The following ENKD1 variants were observed in gnomAD, a reference collection of about 807,000 sequenced individuals.
The protein encoded by ENKD1 is enkurin domain-containing protein 1.
In ENKD1, 39 loss-of-function variants were observed where a neutral mutation model predicts 35.8. The ratio of observed to expected loss-of-function variants is 1.09; its 90% CI spans 0.84 to 1.42. ENKD1 has a LOEUF of 1.42. Among genes scored for constraint, ENKD1 ranks in the 40% most tolerant of loss-of-function variants. The probability of loss-of-function intolerance (pLI) is 0.00; values close to 1 mark genes in which losing one functional copy is unlikely to be tolerated. For missense variants in ENKD1, 474 were observed against 471.3 expected (o/e 1.01, Z -0.05); for synonymous variants, 205 against 198.6 (o/e 1.03, Z -0.27).
At position 67,663,742 on chromosome 16, in the gene ENKD1, G is replaced by T. The variant is rs115455791; in HGVS notation, c.658C>A (p.Leu220Met). ...TCTAGCACTTGTGCCAGGACCTGCA[G>T]TGAGCAGGAATGCCTCCGGGGGGCT... ...KRAPRRHSCSLQVLAQVLEQQ... is the reference protein window; with the variant it reads ...KRAPRRHSCSMQVLAQVLEQQ... Residue 220 changes from leucine to methionine, a missense_variant, in exon 5 of 7, where the codon CTG becomes ATG. Transcript: ENST00000243878. 1.9e-6 allele frequency: 3 copies of T among 1,612,596 alleles called. No homozygotes were observed. Among genetic ancestry groups the T allele is most frequent in the Non-Finnish European group, 2.5e-6 (3 of 1,179,366 alleles).
rs200753836 is a variant in ENKD1 at position 67,663,304 on chromosome 16, G to A, written c.898C>T (p.Arg300Cys). 6.2e-4 allele frequency: 1,004 copies of A among 1,613,584 alleles called. 2 individuals carry two copies. Among genetic ancestry groups the A allele is most frequent in the Non-Finnish European group, 3.2e-4 (373 of 1,180,024 alleles). The change falls in exon 7 of 7, where the codon CGT (arginine) becomes TGT (cysteine). Residue 300 changes from arginine to cysteine, a missense_variant. Arg to Cys is a radical substitution (Grantham distance 180). Transcript: ENST00000243878. ...CCAGCAGGCAGCAGTACCAGCTCAC[G>A]CAGCAGCTGGCTCTGGCCTACAGGG... ...KLLQSQSQLL[R>C]ELVLLPAGAD...
In ENKD1 at chr16:67,663,295, C is replaced by A; in HGVS notation, c.907G>T (p.Val303Leu). The A allele has an allele frequency of 6.2e-7, 1 of 1,613,690 alleles. No homozygotes were observed. Among genetic ancestry groups the A allele is most frequent in the Non-Finnish European group, 8.5e-7 (1 of 1,180,026 alleles). The change falls in exon 7 of 7, where the codon GTA becomes TTA. Residue 303 changes from valine (V) to leucine (L), a missense_variant. Physicochemically the swap from Val to Leu is conservative, Grantham distance 32 (BLOSUM62 1). Transcript: ENST00000243878. ...GAGTCTGCCCCAGCAGGCAGCAGTACCAGCTCACGCAGCAGCTGGCTCTGG... is the reference window on the plus strand; with the variant it reads ...GAGTCTGCCCCAGCAGGCAGCAGTAACAGCTCACGCAGCAGCTGGCTCTGG... Reference protein sequence around the residue: ...QSQSQLLRELVLLPAGADSLR... With the variant: ...QSQSQLLRELLLLPAGADSLR...
intron 2 of ENKD1, 56 bp downstream of exon 2, chr16:67,666,014 TG>T (rs957992840): frequency 1.5e-5 from 23 of 1,552,462 alleles, no homozygotes; most frequent in Non-Finnish European, 1.9e-5. Flanking sequence ...CAGCTGCTTT[TG>T]ATCTCTTTCC....
Position 67,662,981 on chromosome 16 carries a change from T to A in ENKD1, c.*180A>T. On this transcript the variant is annotated 3_prime_UTR_variant, in exon 7 of 7. Coordinates refer to ENST00000243878, the MANE Select transcript of ENKD1 (RefSeq NM_032140.3). The surrounding 1 kb of genome is among the most constrained non-coding windows in gnomAD (Gnocchi z 6.9). ...AAATGTTTAATTTTGACAAAGCAGT[T>A]AAAAGGCTAGGGTGGCCCTTCTGCA... 1 of 697,320 alleles carries A rather than the reference T, an allele frequency of 1.4e-6. No homozygotes were observed. The highest frequency in any genetic ancestry group is 2.3e-6 in the Non-Finnish European group (1 of 429,672). 43.2% of individuals were successfully genotyped at this position (697,320 alleles called of 1,614,324 possible).
chr16:67,664,347 C>T (rs1433143167), intron 3 of ENKD1: 4 of 492,552 alleles, frequency 8.1e-6, no homozygotes, highest in Non-Finnish European at 1.5e-5. Context: ...AGGCTCCTAA[C>T]AGCTGGCCTC....
intron 3 of ENKD1, 57 bp from the exon 4 acceptor site, chr16:67,664,119 G>A: frequency 1.3e-6 from 2 of 1,488,138 alleles, no homozygotes; most frequent in Non-Finnish European, 9.2e-7. Flanking sequence ...GGCTCAAGCT[G>A]CAAGACCCTG....
chr16:67,666,541 C>T lies in ENKD1; in HGVS notation c.-99G>A, dbSNP rs1346092769. On this transcript the variant is annotated 5_prime_UTR_variant, in exon 1 of 7. Transcript: ENST00000243878. The stretch of plus-strand genomic sequence containing the variant: ...CCAACCCCGGGCCCCCTCCCTCGCC[C>T]GGCACCCTGACCCTGGCGTGCCCGC... The T allele has an allele frequency of 1.7e-6, 2 of 1,170,142 alleles. No homozygotes were observed. Among genetic ancestry groups the T allele is most frequent in the African/African-American group, 1.6e-5 (1 of 61,012 alleles). 72.5% of individuals were successfully genotyped at this position (1,170,142 alleles called of 1,614,324 possible).
Position 67,663,260 on chromosome 16 carries a change from G to A in ENKD1, c.942C>T (p.Ala314=), listed in dbSNP as rs747685311. Residue 314 remains alanine (A), a synonymous_variant, in exon 7 of 7, where the codon GCC becomes GCT. Coordinates refer to ENST00000243878, the MANE Select transcript of ENKD1 (RefSeq NM_032140.3). The part of the protein sequence containing the change: ...LLPAGADSLR[A]QSHRAELDRK... Reference sequence around the variant, plus strand: ...GGTCCAGCTCAGCACGGTGGCTCTGGGCTCTCAGTGAGTCTGCCCCAGCAG... The same window carrying A: ...GGTCCAGCTCAGCACGGTGGCTCTGAGCTCTCAGTGAGTCTGCCCCAGCAG... 1.2e-6 allele frequency: 2 copies of A among 1,613,754 alleles called. No individual in the cohort carries two copies. The highest frequency in any genetic ancestry group is 1.7e-5 in the Admixed American group (1 of 60,012).
chr16:67,663,320 G>A lies in ENKD1; in HGVS notation c.882C>T (p.Ser294=). The change falls in exon 7 of 7, where the codon AGC becomes AGT. Residue 294 remains serine (S), a splice_region_variant and synonymous_variant. Transcript: ENST00000243878. ...RLETLTKLLQ[S]QSQLLRELVL... is the part of the protein sequence containing the mutation. ...CCAGCTCACGCAGCAGCTGGCTCTGGCCTACAGGGGGCCCGGGAACAGTGA... is the reference window on the plus strand; with the variant it reads ...CCAGCTCACGCAGCAGCTGGCTCTGACCTACAGGGGGCCCGGGAACAGTGA... 1.2e-6 allele frequency: 2 copies of A among 1,613,438 alleles called. No individual in the cohort carries two copies. The highest frequency in any genetic ancestry group is 8.5e-7 in the Non-Finnish European group (1 of 1,180,024).
intron 6 of ENKD1, 37 bp from the exon 7 acceptor site, chr16:67,663,358 T>C (rs752144950): frequency 6.2e-7 from 1 of 1,612,620 alleles, no homozygotes; most frequent in South Asian, 1.1e-5. Context: ...ACAGTGAGTG[T>C]TGGGCAGGGG....
chr16:67,663,989 G>T lies in ENKD1; in HGVS notation c.527C>A (p.Pro176Gln). Residue 176 changes from proline (P) to glutamine (Q), a missense_variant, in exon 4 of 7, where the codon CCA (proline) becomes CAA (glutamine). Coordinates refer to ENST00000243878, the MANE Select transcript of ENKD1 (RefSeq NM_032140.3). The part of the protein sequence containing the change: ...RAHSRCGPGL[P>Q]PPHVSSPQPT... Reference sequence around the variant, plus strand: ...CTGGGGACTAGATACATGGGGTGGTGGGAGGCCAGGGCCGCAGCGGGAGTG... The same window carrying T: ...CTGGGGACTAGATACATGGGGTGGTTGGAGGCCAGGGCCGCAGCGGGAGTG... 6.3e-7 allele frequency: 1 copy of T among 1,591,750 alleles called. No homozygotes were observed. Among genetic ancestry groups the T allele is most frequent in the Non-Finnish European group, 8.6e-7 (1 of 1,168,502 alleles).
At chr16:67,665,984 C>T (rs1280075918) in intron 2 of ENKD1, 87 bp downstream of exon 2, 8 of 1,424,848 alleles carry the variant, frequency 5.6e-6, no homozygotes, top group African/African-American at 1.5e-5. Context: ...AAGCCTGGGC[C>T]CACGTCAGGG....
chr16:67,663,529 C>A lies in ENKD1; in HGVS notation c.771G>T (p.Arg257=). 1 of 1,612,310 alleles carries A rather than the reference C, an allele frequency of 6.2e-7. No homozygotes were observed. The highest frequency in any genetic ancestry group is 1.1e-5 in the South Asian group (1 of 90,976). ...TCTGCTTGCGGGCCTCGGCCTCCCG[C>A]CGCCACAGGTCCCTGCGCTCCAACA... The part of the protein sequence containing the change: ...HYLLERRDLW[R]REAEARKQSQ... The change falls in exon 6 of 7, where the codon CGG becomes CGT. Residue 257 remains arginine (R), a synonymous_variant. Coordinates refer to ENST00000243878, the MANE Select transcript of ENKD1 (RefSeq NM_032140.3).
chr16:67,666,355 C>T lies in ENKD1; in HGVS notation c.85+3G>A, dbSNP rs1176840016. 3 of 1,580,230 alleles carry T rather than the reference C, an allele frequency of 1.9e-6. No individual in the cohort carries two copies. The highest frequency in any genetic ancestry group is 4.6e-5 in the East Asian group (2 of 43,142). ...CGCACCACCGCCAAGCCCCCGGACT[C>T]ACCCGAGGTCGGCCGCCTGTAGTTG... On this transcript the variant is annotated splice_donor_region_variant and intron_variant, in intron 1 of 6. Transcript: ENST00000243878.
At position 67,663,063 on chromosome 16, in the gene ENKD1, C is replaced by T. The variant is rs2053051965; in HGVS notation, c.*98G>A. 2 of 1,475,148 alleles carry T rather than the reference C, an allele frequency of 1.4e-6. No homozygotes were observed. The highest frequency in any genetic ancestry group is 1.8e-6 in the Non-Finnish European group (2 of 1,091,058). The allele number at this position is 1,475,148 out of a possible 1,614,324, so 91.4% of individuals were successfully genotyped here. ...ACACTGGCCACCCCCCTGCTCCTGT[C>T]TTCAGACCTCTGCTCTGGGATTGGG... is the stretch of plus-strand genomic sequence containing the variant. On this transcript the variant is annotated 3_prime_UTR_variant, in exon 7 of 7. Transcript: ENST00000243878.
chr16:67,663,147 TC>T lies in ENKD1; in HGVS notation c.*13del, dbSNP rs763451945. 1 of 1,613,604 alleles carries T rather than the reference TC, an allele frequency of 6.2e-7. No individual in the cohort carries two copies. The highest frequency in any genetic ancestry group is 2.2e-5 in the East Asian group (1 of 44,872). ...CTCAGCATGGAGCTCCTTGCCACTG[TC>T]CCCCAAAGGGGCTCAGTCGTCCATC... On this transcript the variant is annotated 3_prime_UTR_variant, in exon 7 of 7. Coordinates refer to ENST00000243878, the MANE Select transcript of ENKD1 (RefSeq NM_032140.3).
chr16:67,664,246 C>A (rs1455909383), intron 3 of ENKD1, 184 bp from the exon 4 acceptor site: 1 of 698,512 alleles, frequency 1.4e-6, no homozygotes, highest in African/African-American at 1.7e-5. Context: ...TTTAAGAAAA[C>A]AACAAACCAT....
In ENKD1 at chr16:67,663,009, C is replaced by A. The variant is rs1007705936; in HGVS notation, c.*152G>T. ...AAGGCTAGGGTGGCCCTTCTGCAGCCACTGGTGACTGGGAAGAGTGCTCTA... is the reference window on the plus strand; with the variant it reads ...AAGGCTAGGGTGGCCCTTCTGCAGCAACTGGTGACTGGGAAGAGTGCTCTA... On this transcript the variant is annotated 3_prime_UTR_variant, in exon 7 of 7. Transcript: ENST00000243878. 2.3e-6 allele frequency: 2 copies of A among 852,430 alleles called. No homozygotes were observed. Among genetic ancestry groups the A allele is most frequent in the Non-Finnish European group, 3.5e-6 (2 of 565,836 alleles). The allele number at this position is 852,430 out of a possible 1,614,324, so 52.8% of individuals were successfully genotyped here.
chr16:67,664,246 C>G (rs1455909383), intron 3 of ENKD1, 184 bp from the exon 4 acceptor site: 11 of 698,630 alleles, frequency 1.6e-5, no homozygotes, highest in Non-Finnish European at 2.3e-5. Context: ...TTTAAGAAAA[C>G]AACAAACCAT....
Sources: gnomAD v4.1 joint callset for allele counts on GRCh38, gnomAD v4.1.1 for gene constraint, Gnocchi (gnomAD v3.1) non-coding constraint, MANE v1.5 for transcripts, NCBI Gene and HGNC (gene_info 2026-07-23, HGNC 2026-07-21) for gene names.